SNTB1: variants seen among roughly 807,000 people sequenced by gnomAD.
The protein encoded by SNTB1 is beta-1-syntrophin.
Under a neutral mutation model 48.9 loss-of-function variants are expected in SNTB1, and 36 were observed. That is an observed-to-expected ratio of 0.74 (90% CI 0.56 to 0.97). The LOEUF is 0.97. SNTB1 is among the 50% of genes least tolerant of loss of function. The probability of loss-of-function intolerance (pLI) is 0.00; values close to 1 mark genes in which losing one functional copy is unlikely to be tolerated. For missense variants in SNTB1, 786 were observed against 703.4 expected (o/e 1.12, Z -1.33); for synonymous variants, 299 against 294.6 (o/e 1.01, Z -0.15).
intron 1 of SNTB1, among the ~76,000 whole-genome samples, chr8:120,795,998 C>T (rs1820113877): frequency 6.6e-6 from 1 of 152,014 alleles, no homozygotes; most frequent in Non-Finnish European, 1.5e-5. Flanking sequence ...TGTGCCGCCG[C>T]CTAAATCTCA....
chr8:120,717,308 T>TGAAC (rs1818576100), intron 1 of SNTB1, among the ~76,000 whole-genome samples: 1 of 152,164 alleles, frequency 6.6e-6, no homozygotes, highest in Non-Finnish European at 1.5e-5. Context: ...TGCAGCCCAT[T>TGAAC]GAACACCACT....
At chr8:120,703,963 C>T (rs1216316271) in intron 1 of SNTB1, among the ~76,000 whole-genome samples, 1 of 152,202 alleles carries the variant, frequency 6.6e-6, no homozygotes. Flanking sequence ...ACTGAAGTGA[C>T]TTGCCCACAG....
At chr8:120,578,200 A>ATTTT (rs369383766) in intron 3 of SNTB1, among the ~76,000 whole-genome samples, 7 of 146,930 alleles carry the variant, frequency 4.8e-5, no homozygotes, top group Non-Finnish European at 7.5e-5. Flanking sequence ...CGCCCGGCTA[A>ATTTT]TTTTTTTTTT....
intron 1 of SNTB1, among the ~76,000 whole-genome samples, chr8:120,773,605 T>C (rs987719490): frequency 1.3e-5 from 2 of 151,812 alleles, no homozygotes; most frequent in Admixed American, 6.6e-5. Context: ...CCTAAGTTAA[T>C]AGGGAAAAAA....
At position 120,537,588 on chromosome 8, in the gene SNTB1, A is replaced by G. The variant is rs1439119959; in HGVS notation, c.*1289T>C. 3 of 152,238 alleles carry G rather than the reference A, an allele frequency of 2.0e-5. No homozygotes were observed. The highest frequency in any genetic ancestry group is 7.2e-5 in the African/African-American group (3 of 41,468). 9.4% of individuals were successfully genotyped at this position (152,238 alleles called of 1,614,324 possible). ...CAGGTCTAACAACAGATGTCTGTCT[A>G]TGTAAACTACAGGAAAAGTGTTAGA... is the stretch of plus-strand genomic sequence containing the variant. On this transcript the variant is annotated 3_prime_UTR_variant, in exon 7 of 7. Coordinates refer to ENST00000517992, the MANE Select transcript of SNTB1 (RefSeq NM_021021.4).
At chr8:120,668,994 T>G (rs1244380935) in intron 2 of SNTB1, among the ~76,000 whole-genome samples, 2 of 152,100 alleles carry the variant, frequency 1.3e-5, no homozygotes, top group African/African-American at 4.8e-5. Flanking sequence ...GCTGAGGGGA[T>G]GAATCAGGCT....
In SNTB1 at chr8:120,537,461, C is replaced by T. The variant is rs1409749179; in HGVS notation, c.*1416G>A. ...AAATAAAACTTTGCAATTCAATAAA[C>T]AAATATGTCTGAGTGAGAAAAATTG... On this transcript the variant is annotated 3_prime_UTR_variant, in exon 7 of 7. Coordinates refer to ENST00000517992, the MANE Select transcript of SNTB1 (RefSeq NM_021021.4). 1 of 152,152 alleles carries T rather than the reference C, an allele frequency of 6.6e-6. No individual in the cohort carries two copies. The highest frequency in any genetic ancestry group is 2.4e-5 in the African/African-American group (1 of 41,438). 9.4% of individuals were successfully genotyped at this position (152,152 alleles called of 1,614,324 possible). A position where few individuals can be genotyped will look rare whatever the true frequency, so the allele number is the denominator to read the frequency against.
chr8:120,538,519 T>A lies in SNTB1; in HGVS notation c.*358A>T, dbSNP rs1018007792. ...AACTATTCGGCCCTTGCGTACCTGG[T>A]GAACAAGTTGCCTAGGAACTGGGAT... On this transcript the variant is annotated 3_prime_UTR_variant, in exon 7 of 7. Transcript: ENST00000517992. 1 of 388,956 alleles carries A rather than the reference T, an allele frequency of 2.6e-6. No individual in the cohort carries two copies. The highest frequency in any genetic ancestry group is 5.3e-6 in the Non-Finnish European group (1 of 189,738). 24.1% of individuals were successfully genotyped at this position (388,956 alleles called of 1,614,324 possible). A position where few individuals can be genotyped will look rare whatever the true frequency, so the allele number is the denominator to read the frequency against.
intron 1 of SNTB1, among the ~76,000 whole-genome samples, chr8:120,794,298 C>T (rs1820086034): frequency 6.6e-6 from 1 of 152,018 alleles, no homozygotes; most frequent in Admixed American, 6.6e-5. Context: ...TACCAGCATT[C>T]CCAGCTCCCA....
intron 1 of SNTB1, among the ~76,000 whole-genome samples, chr8:120,806,437 T>G (rs1587179057): frequency 6.6e-6 from 1 of 152,372 alleles, no homozygotes; most frequent in East Asian, 1.9e-4. Flanking sequence ...TCTGATGTAG[T>G]TGTGTCCATG....
intron 2 of SNTB1, among the ~76,000 whole-genome samples, chr8:120,662,717 G>A (rs1817609808): frequency 6.6e-6 from 1 of 152,096 alleles, no homozygotes; most frequent in African/African-American, 2.4e-5. Flanking sequence ...ACATCCAGCA[G>A]TGTACCCTTG....
intron 1 of SNTB1, among the ~76,000 whole-genome samples, chr8:120,735,473 A>T (rs747488684): frequency 1.3e-5 from 2 of 152,214 alleles, no homozygotes; most frequent in Non-Finnish European, 2.9e-5. Context: ...AGCCTCTTTA[A>T]AGAGGTGATT....
chr8:120,811,464 A>T lies in SNTB1; in HGVS notation c.380T>A (p.Ile127Asn). The T allele has an allele frequency of 1.9e-6, 3 of 1,613,970 alleles. No individual in the cohort carries two copies. The highest frequency in any genetic ancestry group is 2.5e-6 in the Non-Finnish European group (3 of 1,179,912). ...KQELGGLGIS[I>N]KGGKENKMPI... ...CATCTTGTTCTCCTTGCCCCCCTTG[A>T]TGCTGATCCCCAGCCCGCCCAGCTC... The change falls in exon 1 of 7, where the codon ATC becomes AAC. Residue 127 changes from isoleucine to asparagine, a missense_variant. By Grantham distance (149) the Ile-to-Asn change is moderately radical (BLOSUM62 -3). Transcript: ENST00000517992.
intron 1 of SNTB1, among the ~76,000 whole-genome samples, chr8:120,808,738 T>G (rs1178788848): frequency 6.6e-6 from 1 of 152,138 alleles, no homozygotes; most frequent in African/African-American, 2.4e-5. Context: ...GCATTGAAAC[T>G]TTTCCAGGGT....
chr8:120,732,934 G>A (rs1233104216), intron 1 of SNTB1, among the ~76,000 whole-genome samples: 1 of 152,184 alleles, frequency 6.6e-6, no homozygotes, highest in African/African-American at 2.4e-5. Flanking sequence ...ATGCTTTAAG[G>A]AGTTTATACT....
chr8:120,668,863 T>C (rs1331525640), intron 2 of SNTB1, among the ~76,000 whole-genome samples: 1 of 152,242 alleles, frequency 6.6e-6, no homozygotes, highest in African/African-American at 2.4e-5. Context: ...AGAAATACTT[T>C]ATGCCGATGA....
intron 1 of SNTB1, among the ~76,000 whole-genome samples, chr8:120,766,693 C>A (rs1819530551): frequency 6.6e-6 from 1 of 152,122 alleles, no homozygotes; most frequent in African/African-American, 2.4e-5. Context: ...TACTGTATAG[C>A]GCTATAATTG....
chr8:120,805,262 C>G (rs1050164010), intron 1 of SNTB1, among the ~76,000 whole-genome samples: 4 of 152,038 alleles, frequency 2.6e-5, no homozygotes, highest in Non-Finnish European at 5.9e-5. Context: ...TCCTGGTCTT[C>G]TCCAGATCGT....
chr8:120,559,810 A>G (rs1815622419), intron 4 of SNTB1, among the ~76,000 whole-genome samples: 1 of 152,194 alleles, frequency 6.6e-6, no homozygotes, highest in African/African-American at 2.4e-5. Flanking sequence ...GTTACAGCAC[A>G]CAGATTCAGC....
Sources: gnomAD v4.1 joint callset for allele counts (sites outside exome capture counted in the v4.1 genomes callset) on GRCh38, gnomAD v4.1.1 for gene constraint, MANE v1.5 for transcripts, NCBI Gene and HGNC (gene_info 2026-07-23, HGNC 2026-07-21) for gene names.